Variants in SYT12 observed in about 807,000 individuals in gnomAD.
SYT12 encodes synaptotagmin-12.
A neutral mutation model predicts 39.5 loss-of-function variants in SYT12; 27 were observed. The ratio of observed to expected loss-of-function variants is 0.68; its 90% confidence interval spans 0.50 to 0.94. SYT12 has a LOEUF of 0.94. SYT12 is among the 40% of genes least tolerant of loss of function. The pLI, the probability that SYT12 is intolerant of heterozygous loss-of-function variation, is 0.00. For missense variants in SYT12, 536 were observed against 572.6 expected, an observed-to-expected ratio of 0.94 and a Z score of 0.65; for synonymous variants, 233 against 239.7, an observed-to-expected ratio of 0.97 and a Z score of 0.26.
At chr11:67,013,467 G>A (rs967196290) in intron 3 of SYT12, among the ~76,000 whole-genome samples, 8 of 152,098 alleles carry the variant, frequency 5.3e-5, no homozygotes, top group African/African-American at 1.4e-4. Flanking sequence ...GGCCTTTCTC[G>A]TCTTCAGCCA....
At chr11:67,013,724 G>A (rs901921816) in intron 3 of SYT12, among the ~76,000 whole-genome samples, 1 of 152,268 alleles carries the variant, frequency 6.6e-6, no homozygotes, top group Non-Finnish European at 1.5e-5. Context: ...CCACTCAGCT[G>A]CAGTCTGCTC....
chr11:67,015,082 C>T (rs1950046200), intron 3 of SYT12, among the ~76,000 whole-genome samples: 1 of 152,212 alleles, frequency 6.6e-6, no homozygotes, highest in Non-Finnish European at 1.5e-5. Flanking sequence ...AACTCCTTCA[C>T]CCAATTCGGT....
upstream of SYT12, among the ~76,000 whole-genome samples, chr11:67,018,822 C>CA (rs528815983): frequency 0.067 from 9,221 of 137,610 alleles, 323 homozygotes; most frequent in Middle Eastern, 0.13. Flanking sequence ...GACTCCGTCT[C>CA]AAAAAAAAAA....
intron 3 of SYT12, among the ~76,000 whole-genome samples, chr11:67,012,320 G>C (rs1337891292): frequency 6.6e-6 from 1 of 152,038 alleles, no homozygotes. Flanking sequence ...GCAGTGAGCT[G>C]AGATTGCACC....
At chr11:67,033,204 G>A (rs1369066545) in intron 2 of SYT12, among the ~76,000 whole-genome samples, 2 of 127,938 alleles carry the variant, frequency 1.6e-5, no homozygotes, top group South Asian at 2.8e-4. Context: ...TATTCTTCCC[G>A]CTCTTGACTT....
intron 7 of SYT12, among the ~76,000 whole-genome samples, chr11:67,047,815 T>C (rs1009965867): frequency 9.0e-6 from 1 of 110,528 alleles, no homozygotes; most frequent in African/African-American, 3.5e-5. Flanking sequence ...TGAGACGGAG[T>C]CTCGCTCTTT....
In SYT12 at chr11:67,034,767, C is replaced by T. The variant is rs370502227; in HGVS notation, c.157C>T (p.Pro53Ser). 1 of 1,603,334 alleles carries T rather than the reference C, an allele frequency of 6.2e-7. No homozygotes were observed. The highest frequency in any genetic ancestry group is 2.3e-5 in the East Asian group (1 of 44,264). ...GTCGGGGAGCTTCCCCAGCCCCTCT[C>T]CGTTCCCCAATTACGACTACAGGTA... ...WTSGSFPSPS[P>S]FPNYDYRYLQ... The change falls in exon 3 of 8, where the codon CCG (proline) becomes TCG (serine). Residue 53 changes from proline to serine, a missense_variant. Coordinates refer to ENST00000527043, the MANE Select transcript of SYT12 (RefSeq NM_177963.4).
chr11:67,020,868 A>T (rs1950102843), upstream of SYT12, among the ~76,000 whole-genome samples: 1 of 152,256 alleles, frequency 6.6e-6, no homozygotes, highest in Non-Finnish European at 1.5e-5. Context: ...AGCTGGGATT[A>T]TAGGTGCATA....
intron 4 of SYT12, among the ~76,000 whole-genome samples, chr11:67,041,265 T>C (rs1196596161): frequency 6.6e-6 from 1 of 151,912 alleles, no homozygotes; most frequent in Non-Finnish European, 1.5e-5. Flanking sequence ...TGAGGTCAGA[T>C]GTTTGAGACC....
chr11:67,017,779 G>C (rs945276853), intron 3 of SYT12, among the ~76,000 whole-genome samples: 1 of 151,768 alleles, frequency 6.6e-6, no homozygotes, highest in South Asian at 2.1e-4. Context: ...GGCCAACATG[G>C]TGAAACCCCG....
At chr11:67,045,978 G>A in intron 7 of SYT12, 101 bp downstream of exon 7, 2 of 1,488,520 alleles carry the variant, frequency 1.3e-6, no homozygotes, top group Non-Finnish European at 1.8e-6. Flanking sequence ...CAGGGGTAGT[G>A]GTTTGCCTCC....
intron 3 of SYT12, among the ~76,000 whole-genome samples, chr11:67,014,151 T>C (rs1179443730): frequency 6.6e-6 from 1 of 152,182 alleles, no homozygotes; most frequent in Non-Finnish European, 1.5e-5. Flanking sequence ...CTTAATTACA[T>C]CTGCAAAGAC....
intron 6 of SYT12, 126 bp from the exon 7 acceptor site, chr11:67,045,618 A>G: frequency 1.6e-6 from 2 of 1,283,956 alleles, no homozygotes; most frequent in South Asian, 3.0e-5. Context: ...GACCAATGGC[A>G]GGGCTGCAGG....
At chr11:67,043,253 T>G (rs1206821219) in intron 4 of SYT12, among the ~76,000 whole-genome samples, 6 of 152,198 alleles carry the variant, frequency 3.9e-5, no homozygotes, top group African/African-American at 1.4e-4. Context: ...GGGACGTCAG[T>G]GGCTCGTGAC....
At chr11:67,036,398 T>C (rs776981896) in intron 3 of SYT12, among the ~76,000 whole-genome samples, 3 of 152,252 alleles carry the variant, frequency 2.0e-5, no homozygotes, top group Non-Finnish European at 4.4e-5. Context: ...TTTGGGATAG[T>C]GTGCTTTGGA....
At chr11:67,044,535 C>A in intron 5 of SYT12, 58 bp from the exon 6 acceptor site, 1 of 1,586,606 alleles carries the variant, frequency 6.3e-7, no homozygotes, top group Non-Finnish European at 8.6e-7. Flanking sequence ...CAAGGCTTTC[C>A]CTGGACCCCT....
rs528001589 is a variant in SYT12 at position 67,038,829 on chromosome 11, A to C, written c.229-982A>C. ...TACTGAAACCCTGTCTCTACTAAAAATACAAAAATTAGCTGGGTGTGGTGG... is the reference window on the plus strand; with the variant it reads ...TACTGAAACCCTGTCTCTACTAAAACTACAAAAATTAGCTGGGTGTGGTGG... On this transcript the variant is annotated intron_variant, in intron 3 of 7. Transcript: ENST00000527043. Among the ~76,000 whole-genome samples, 6 of 151,498 alleles carry C rather than the reference A, an allele frequency of 4.0e-5. No individual in the cohort carries two copies. In the South Asian group the frequency reaches 1.3e-3, roughly 32 times the overall value.
Position 67,040,026 on chromosome 11 carries a change from G to A in SYT12, c.444G>A (p.Gly148=), listed in dbSNP as rs746544389. 6.2e-7 allele frequency: 1 copy of A among 1,613,956 alleles called. No homozygotes were observed. The highest frequency in any genetic ancestry group is 1.1e-5 in the South Asian group (1 of 91,090). ...NSISSVSNTF[G]QDFTLGQVEV... Reference sequence around the variant, plus strand: ...TCTCCTCCGTGAGCAACACCTTTGGGCAGGACTTCACACTGGGCCAGGTGG... The same window carrying A: ...TCTCCTCCGTGAGCAACACCTTTGGACAGGACTTCACACTGGGCCAGGTGG... The change falls in exon 4 of 8, where the codon GGG becomes GGA. Residue 148 remains glycine, a synonymous_variant. Coordinates refer to ENST00000527043, the MANE Select transcript of SYT12 (RefSeq NM_177963.4).
In SYT12 at chr11:67,048,740, G is replaced by A. The variant is rs149550378; in HGVS notation, c.1249G>A (p.Ala417Thr). The A allele has an allele frequency of 4.9e-3, 7,800 of 1,595,868 alleles. 29 individuals carry two copies. The highest frequency in any genetic ancestry group is 9.7e-3 in the Admixed American group (577 of 59,754). Residue 417 changes from alanine to threonine, a missense_variant, in exon 8 of 8, where the codon GCT becomes ACT. Transcript: ENST00000527043. Reference protein sequence around the residue: ...TLRRPVSMWHAVRRN With the variant: ...TLRRPVSMWHTVRRN ...GCGCAGGCCCGTGTCCATGTGGCAC[G>A]CTGTCCGGCGAAACTAGCAACCAGG...
Sources: gnomAD v4.1 joint callset for allele counts (sites outside exome capture counted in the v4.1 genomes callset) on GRCh38, gnomAD v4.1.1 for gene constraint, MANE v1.5 for transcripts, NCBI Gene and HGNC (gene_info 2026-07-23, HGNC 2026-07-21) for gene names.